The following ADGRL3 variants were observed in gnomAD, a reference collection of about 807,000 sequenced individuals.
ADGRL3 encodes the protein adhesion G protein-coupled receptor L3.
Under a neutral mutation model 153.5 loss-of-function variants are expected in ADGRL3, and 62 were observed. That is an observed-to-expected ratio of 0.40 (90% CI 0.33 to 0.50). The LOEUF is 0.50. Among genes scored for constraint, ADGRL3 ranks in the 20% least tolerant of loss-of-function variants. ADGRL3 has a pLI of 0.47. For synonymous variants in ADGRL3, 710 were observed against 672.5 expected, an observed-to-expected ratio of 1.06 and a Z score of -0.86; for missense variants, 1,641 against 1,859.4, an observed-to-expected ratio of 0.88 and a Z score of 2.16.
intron 19 of ADGRL3, among the ~76,000 whole-genome samples, chr4:61,988,780 G>T (rs1005073167): frequency 2.6e-5 from 4 of 152,144 alleles, no homozygotes; most frequent in Non-Finnish European, 2.9e-5. Flanking sequence ...AGCACACTGG[G>T]AAGGGGTAAA....
intron 19 of ADGRL3, among the ~76,000 whole-genome samples, chr4:61,992,235 G>T (rs186826894): frequency 3.9e-4 from 60 of 152,236 alleles, no homozygotes; most frequent in African/African-American, 1.4e-3. Flanking sequence ...ACTTCAGTGT[G>T]TTTAGTGTGA....
chr4:61,517,210 T>G, intron 3 of ADGRL3, 105 bp from the exon 4 acceptor site: 1 of 645,014 alleles, frequency 1.6e-6, no homozygotes, highest in Non-Finnish European at 2.8e-6. Context: ...CTTGGGCCTA[T>G]AGCCGGCGGC....
intron 13 of ADGRL3, among the ~76,000 whole-genome samples, chr4:61,919,311 A>C (rs543072928): frequency 1.3e-4 from 20 of 152,330 alleles, no homozygotes; most frequent in Admixed American, 1.2e-3. Flanking sequence ...AAGTAGTTTG[A>C]ATCACAGCAG....
chr4:61,335,933 C>T (rs116447948), intron 1 of ADGRL3, among the ~76,000 whole-genome samples: 1,679 of 152,228 alleles, frequency 0.011, 32 homozygotes, highest in African/African-American at 0.039. Flanking sequence ...ATTGTTTACA[C>T]CTCACTATTT....
chr4:61,287,232 G>A (rs1266919205), intron 1 of ADGRL3, among the ~76,000 whole-genome samples: 1 of 151,792 alleles, frequency 6.6e-6, no homozygotes, highest in Non-Finnish European at 1.5e-5. Context: ...TTGACTTCTT[G>A]AATACTTTAG....
rs1263847137 is a variant in ADGRL3 at position 61,200,381 on chromosome 4, T to A, written c.-1624T>A. Among the ~76,000 whole-genome samples the A allele has an allele frequency of 6.6e-6, 1 of 151,034 alleles. No individual in the cohort carries two copies. The highest frequency in any genetic ancestry group is 1.5e-5 in the Non-Finnish European group (1 of 67,766). On this transcript the variant is annotated 5_prime_UTR_variant, in exon 1 of 27. Transcript: ENST00000683033. ...CCTACCCCGCGCGCAGGCTGCACGGTCCCCGCGCGCCCGCGCTCTGACCCG... is the reference window on the plus strand; with the variant it reads ...CCTACCCCGCGCGCAGGCTGCACGGACCCCGCGCGCCCGCGCTCTGACCCG...
intron 1 of ADGRL3, among the ~76,000 whole-genome samples, chr4:61,287,387 CT>C (rs1316310319): frequency 1.3e-5 from 2 of 151,814 alleles, no homozygotes; most frequent in African/African-American, 2.4e-5. Flanking sequence ...TTTTAATGCA[CT>C]TTACTTGTCT....
chr4:61,761,058 C>A (rs183626944), intron 8 of ADGRL3, among the ~76,000 whole-genome samples: 85 of 152,250 alleles, frequency 5.6e-4, no homozygotes, highest in African/African-American at 2.0e-3. Flanking sequence ...GTGGGGACCA[C>A]AAGATCAAAT....
chr4:61,246,844 G>T (rs976990292), intron 1 of ADGRL3, among the ~76,000 whole-genome samples: 2 of 151,392 alleles, frequency 1.3e-5, no homozygotes, highest in Non-Finnish European at 3.0e-5. Context: ...ATATATATAT[G>T]GGGGGAAGGG....
intron 1 of ADGRL3, among the ~76,000 whole-genome samples, chr4:61,308,852 A>C (rs2094898405): frequency 6.6e-6 from 1 of 152,204 alleles, no homozygotes; most frequent in South Asian, 2.1e-4. Context: ...GAAAGTGCAC[A>C]ATCAGCTTGA....
intron 3 of ADGRL3, among the ~76,000 whole-genome samples, chr4:61,499,956 T>G (rs1428624176): frequency 6.8e-6 from 1 of 146,726 alleles, no homozygotes; most frequent in Non-Finnish European, 1.5e-5. Context: ...GTTTGGGAAC[T>G]GATAGTCTGC....
rs547091659 is a variant in ADGRL3, at chr4:61,460,436, T to C, written c.-173-36685T>C. On this transcript the variant is annotated intron_variant, in intron 2 of 26. Coordinates refer to ENST00000683033, the MANE Select transcript of ADGRL3 (RefSeq NM_001387552.1). ...CTGGAGTTTATTATATTAAGTGAAA[T>C]AAGCCAAGCACACCAAGACAAATAT... is the stretch of plus-strand genomic sequence containing the variant. 4.6e-5 allele frequency among the ~76,000 whole-genome samples: 7 copies of C among 151,958 alleles called. No individual in the cohort carries two copies. The South Asian group carries it at 1.5e-3, about 32-fold the overall frequency.
intron 1 of ADGRL3, among the ~76,000 whole-genome samples, chr4:61,363,483 A>G (rs1043202575): frequency 6.6e-6 from 1 of 152,122 alleles, no homozygotes; most frequent in African/African-American, 2.4e-5. Context: ...CCAACCTAAT[A>G]TACGCATGAT....
chr4:61,874,019 T>G (rs980332233), intron 9 of ADGRL3, among the ~76,000 whole-genome samples: 1 of 152,176 alleles, frequency 6.6e-6, no homozygotes, highest in Non-Finnish European at 1.5e-5. Context: ...TTTTAAAAGC[T>G]TTTCCTATTG....
chr4:61,204,024 T>G (rs147111074), intron 1 of ADGRL3, among the ~76,000 whole-genome samples: 2 of 152,278 alleles, frequency 1.3e-5, no homozygotes, highest in Non-Finnish European at 2.9e-5. Context: ...ATAATTAAAA[T>G]GTATTAAATT....
rs377486574 is a variant in ADGRL3, at chr4:61,369,966, A to G, written c.-239-13158A>G. Among the ~76,000 whole-genome samples the G allele has an allele frequency of 1.7e-4, 26 of 152,128 alleles. No homozygotes were observed. In the East Asian group the frequency reaches 2.3e-3, roughly 14 times the overall value. ...TCCTGGTTTAGTCTTGGGAGAGTGT[A>G]TGTGTCAAGGAATTTATCCATTTCT... On this transcript the variant is annotated intron_variant, in intron 1 of 26. Transcript: ENST00000683033.
At chr4:62,069,003 T>A (rs1246180204) in intron 26 of ADGRL3, among the ~76,000 whole-genome samples, 1 of 152,200 alleles carries the variant, frequency 6.6e-6, no homozygotes, top group Non-Finnish European at 1.5e-5. Flanking sequence ...ATTCTCCAAT[T>A]AATATTTCTG....
chr4:61,577,400 G>C (rs2098893814), intron 4 of ADGRL3, among the ~76,000 whole-genome samples: 1 of 151,852 alleles, frequency 6.6e-6, no homozygotes, highest in South Asian at 2.1e-4. Context: ...TCTTCACTAA[G>C]TTTCTTCTGT....
intron 2 of ADGRL3, among the ~76,000 whole-genome samples, chr4:61,432,576 T>TTC (rs1560622588): frequency 4.6e-3 from 8 of 1,746 alleles, no homozygotes; most frequent in South Asian, 0.038. Flanking sequence ...TTCTCTTCCT[T>TTC]TCTTTCTTTC....
Sources: allele counts gnomAD v4.1 joint callset (sites outside exome capture counted in the v4.1 genomes callset), GRCh38; gene constraint gnomAD v4.1.1; transcripts MANE v1.5; gene names NCBI Gene and HGNC (gene_info 2026-07-23, HGNC 2026-07-21).